Variants in CCNY observed in about 807,000 individuals in gnomAD.
The protein encoded by CCNY is cyclin-Y.
CCNY carries 19 observed loss-of-function variants against 42.8 expected under a neutral mutation model. The ratio of observed to expected loss-of-function variants is 0.44; its 90% CI spans 0.31 to 0.65. The LOEUF (loss-of-function observed/expected upper bound fraction) is 0.65. Ranked by LOEUF, CCNY falls within the 30% of genes least tolerant of loss-of-function variation. The pLI is 0.07. For synonymous variants in CCNY, 165 were observed against 162.7 expected (o/e 1.01, Z -0.11); for missense variants, 370 against 437.3 (o/e 0.85, Z 1.37).
chr10:35,459,377 A>T (rs2135326632), intron 1 of CCNY, among the ~76,000 whole-genome samples: 2 of 152,318 alleles, frequency 1.3e-5, no homozygotes, highest in Middle Eastern at 3.4e-3. Flanking sequence ...TTCTTGAAAC[A>T]TTATGACCTT....
intron 1 of CCNY, among the ~76,000 whole-genome samples, chr10:35,379,025 A>G (rs967477558): frequency 4.6e-5 from 7 of 152,208 alleles, no homozygotes; most frequent in Non-Finnish European, 1.0e-4. Context: ...TGAAAGGAGT[A>G]TGCAGGGTCT....
chr10:35,542,320 G>A lies in CCNY; in HGVS notation c.580-10699G>A, dbSNP rs140209879. On this transcript the variant is annotated intron_variant, in intron 7 of 9. Transcript: ENST00000374704. ...TTTGGAGGAAAATAACAAAGGTAAA[G>A]CACCATTTTTAGCACATCACATCAA... 2.7e-3 allele frequency among the ~76,000 whole-genome samples: 412 copies of A among 151,730 alleles called. 4 individuals carry two copies. Among genetic ancestry groups the A allele is most frequent in the Non-Finnish European group, 4.3e-3 (293 of 67,950 alleles).
At chr10:35,315,188 C>T (rs1019131301) in intron 3 of CCNY, 6 of 152,150 alleles carry the variant, frequency 3.9e-5, no homozygotes, top group Admixed American at 3.3e-4. Context: ...GTTGGGTGTA[C>T]AGATTATTTC....
chr10:35,494,986 C>T (rs933416341), intron 2 of CCNY, among the ~76,000 whole-genome samples: 2 of 152,146 alleles, frequency 1.3e-5, no homozygotes, highest in Non-Finnish European at 2.9e-5. Context: ...TTACTGAGCA[C>T]CAACCTGATG....
At chr10:35,502,770 A>G (rs904421710) in intron 3 of CCNY, among the ~76,000 whole-genome samples, 1 of 151,928 alleles carries the variant, frequency 6.6e-6, no homozygotes, top group Admixed American at 6.6e-5. Flanking sequence ...TGAAAGCAGT[A>G]TATACCTGGA....
At chr10:35,367,738 C>A (rs571295171) in intron 1 of CCNY, among the ~76,000 whole-genome samples, 1 of 152,276 alleles carries the variant, frequency 6.6e-6, no homozygotes, top group East Asian at 1.9e-4. Flanking sequence ...GTGCCTCTTC[C>A]CCTTAGAGAC....
Position 35,266,439 on chromosome 10 carries a change from T to C in CCNY, c.-9+15813T>C, listed in dbSNP as rs555102752. 9.9e-5 allele frequency among the ~76,000 whole-genome samples: 15 copies of C among 152,118 alleles called. 1 individual carries two copies. The highest frequency in any genetic ancestry group is 3.1e-4 in the African/African-American group (13 of 41,492). Reference sequence around the variant, plus strand: ...AAGTGAGAAATGTAGCATGATTTTTTGATCACTTGGTGGAGGAATTCCATG... The same window carrying C: ...AAGTGAGAAATGTAGCATGATTTTTCGATCACTTGGTGGAGGAATTCCATG... On this transcript the variant is annotated intron_variant, in intron 3 of 11. Transcript: ENST00000374706.
chr10:35,454,666 G>C (rs768117121), intron 1 of CCNY, among the ~76,000 whole-genome samples: 67 of 152,372 alleles, frequency 4.4e-4, no homozygotes, highest in Non-Finnish European at 8.4e-4. Flanking sequence ...GTGGGGCCCT[G>C]CATGAGGTGC....
intron 2 of CCNY, among the ~76,000 whole-genome samples, chr10:35,489,379 C>T (rs1201858701): frequency 6.6e-6 from 1 of 152,170 alleles, no homozygotes; most frequent in Non-Finnish European, 1.5e-5. Flanking sequence ...TGGCTCACTG[C>T]AAGCTCTGCC....
intron 3 of CCNY, among the ~76,000 whole-genome samples, chr10:35,326,517 A>C (rs1835882040): frequency 6.6e-6 from 1 of 152,242 alleles, no homozygotes; most frequent in African/African-American, 2.4e-5. Context: ...AAAGGCAAGA[A>C]ATTGTACCAG....
At chr10:35,259,495 G>GTTTTTTTTTT (rs35988898) in intron 3 of CCNY, among the ~76,000 whole-genome samples, 6 of 65,146 alleles carry the variant, frequency 9.2e-5, no homozygotes, top group African/African-American at 2.1e-4. Context: ...AGTCCTGGTT[G>GTTTTTTTTTT]TTTTTTTTTT....
intron 3 of CCNY, among the ~76,000 whole-genome samples, chr10:35,316,068 TTC>T (rs1182857100): frequency 5.3e-5 from 8 of 152,242 alleles, no homozygotes; most frequent in Non-Finnish European, 8.8e-5. Flanking sequence ...GTGCATTTTT[TTC>T]TGTTATAAAA....
chr10:35,532,756 C>A (rs145926236), intron 7 of CCNY, among the ~76,000 whole-genome samples: 1 of 152,200 alleles, frequency 6.6e-6, no homozygotes, highest in Non-Finnish European at 1.5e-5. Flanking sequence ...CCACGAGGCC[C>A]TTCCCTTCCC....
At chr10:35,545,767 G>C (rs1343274852) in intron 7 of CCNY, among the ~76,000 whole-genome samples, 1 of 152,126 alleles carries the variant, frequency 6.6e-6, no homozygotes, top group Non-Finnish European at 1.5e-5. Flanking sequence ...TATTGCTGTA[G>C]TTTAGGGTAA....
intron 4 of CCNY, among the ~76,000 whole-genome samples, chr10:35,525,164 A>G (rs755247183): frequency 2.0e-5 from 3 of 152,214 alleles, no homozygotes; most frequent in Non-Finnish European, 2.9e-5. Flanking sequence ...CATGTTTTTA[A>G]TGATAAAAAA....
chr10:35,303,464 G>A (rs561032144), intron 3 of CCNY, among the ~76,000 whole-genome samples: 122 of 151,176 alleles, frequency 8.1e-4, no homozygotes, highest in African/African-American at 2.6e-3. Context: ...ACAGGCGAAA[G>A]ACCATGTTTC....
intron 1 of CCNY, chr10:35,434,146 C>A (rs1219357214): frequency 6.6e-6 from 1 of 152,124 alleles, no homozygotes; most frequent in Non-Finnish European, 1.5e-5. Context: ...AGCATGAAGG[C>A]GGATGAGGCC....
intron 1 of CCNY, among the ~76,000 whole-genome samples, chr10:35,389,772 A>T (rs1343138837): frequency 6.6e-6 from 1 of 152,152 alleles, no homozygotes; most frequent in East Asian, 1.9e-4. Context: ...AGAACTCAAA[A>T]ACCCTTTTAT....
At chr10:35,464,989 TC>T (rs1052677652) in intron 1 of CCNY, among the ~76,000 whole-genome samples, 1 of 152,218 alleles carries the variant, frequency 6.6e-6, no homozygotes, top group African/African-American at 2.4e-5. Flanking sequence ...GTGGTATTTT[TC>T]CCGTTCCATT....
Sources: gnomAD v4.1 joint callset for allele counts (sites outside exome capture counted in the v4.1 genomes callset) on GRCh38, gnomAD v4.1.1 for gene constraint, MANE v1.5 for transcripts, NCBI Gene and HGNC (gene_info 2026-07-23, HGNC 2026-07-21) for gene names.